Variants in DACH1 observed in about 807,000 individuals in gnomAD.
The protein encoded by DACH1 is dachshund homolog 1.
Under a neutral mutation model 54.2 loss-of-function variants are expected in DACH1, and 12 were observed. That is an observed-to-expected ratio of 0.22 (90% CI 0.14 to 0.36). The LOEUF is 0.36. Ranked by LOEUF, DACH1 falls within the 10% of genes least tolerant of loss-of-function variation. The probability of loss-of-function intolerance (pLI) is 1.00; values close to 1 mark genes in which losing one functional copy is unlikely to be tolerated. For missense variants in DACH1, 805 were observed against 929.8 expected (o/e 0.87, Z 1.75); for synonymous variants, 386 against 366.2 (o/e 1.05, Z -0.62).
At chr13:71,661,756 G>A (rs1879503855) in intron 2 of DACH1, among the ~76,000 whole-genome samples, 1 of 151,790 alleles carries the variant, frequency 6.6e-6, no homozygotes, top group Non-Finnish European at 1.5e-5. Context: ...CAACACACCT[G>A]GGAGAGAGTA....
At chr13:71,712,224 C>G (rs1268899847) in intron 1 of DACH1, among the ~76,000 whole-genome samples, 1 of 151,824 alleles carries the variant, frequency 6.6e-6, no homozygotes, top group Non-Finnish European at 1.5e-5. Flanking sequence ...ATTCTTAAAT[C>G]ATATTTTTTT....
At chr13:71,790,426 A>C (rs1202523929) in intron 1 of DACH1, among the ~76,000 whole-genome samples, 2 of 152,174 alleles carry the variant, frequency 1.3e-5, no homozygotes, top group Admixed American at 1.3e-4. Flanking sequence ...CGAGAAGTCA[A>C]CATGACTCTT....
chr13:71,840,326 A>G (rs1888967157), intron 1 of DACH1, among the ~76,000 whole-genome samples: 1 of 152,210 alleles, frequency 6.6e-6, no homozygotes, highest in African/African-American at 2.4e-5. Flanking sequence ...TATCCAAAAC[A>G]CAAATTCAAT....
chr13:71,611,960 A>T (rs1464208467), intron 3 of DACH1, among the ~76,000 whole-genome samples: 1 of 152,202 alleles, frequency 6.6e-6, no homozygotes, highest in Non-Finnish European at 1.5e-5. Flanking sequence ...GCTCAGATAC[A>T]GAGAATACAT....
intron 1 of DACH1, among the ~76,000 whole-genome samples, chr13:71,754,778 C>A (rs1885073612): frequency 6.7e-6 from 1 of 149,850 alleles, no homozygotes; most frequent in Non-Finnish European, 1.5e-5. Context: ...CACAACTCTG[C>A]AAAACGTAAA....
At chr13:71,764,318 T>C (rs1301630580) in intron 1 of DACH1, among the ~76,000 whole-genome samples, 2 of 152,084 alleles carry the variant, frequency 1.3e-5, no homozygotes, top group Non-Finnish European at 2.9e-5. Context: ...GAGGATTACT[T>C]CAGGAATTCA....
intron 1 of DACH1, among the ~76,000 whole-genome samples, chr13:71,688,543 T>G (rs888602156): frequency 1.3e-5 from 2 of 152,222 alleles, no homozygotes; most frequent in African/African-American, 4.8e-5. Context: ...TTTGGACTTT[T>G]AGTGTTCTCT....
chr13:71,741,351 G>C (rs1453477898), intron 1 of DACH1, among the ~76,000 whole-genome samples: 3 of 152,180 alleles, frequency 2.0e-5, no homozygotes, highest in African/African-American at 7.2e-5. Context: ...GTAAGGACAG[G>C]CTGGCATAAA....
At chr13:71,635,398 T>C (rs1014410455) in intron 2 of DACH1, among the ~76,000 whole-genome samples, 1 of 152,148 alleles carries the variant, frequency 6.6e-6, no homozygotes, top group Non-Finnish European at 1.5e-5. Context: ...TCCCTTCCAA[T>C]TTCCTGTCTC....
At chr13:71,578,221 T>C (rs1042157052) in intron 3 of DACH1, among the ~76,000 whole-genome samples, 11 of 152,124 alleles carry the variant, frequency 7.2e-5, no homozygotes, top group Admixed American at 1.3e-4. Flanking sequence ...GCTTATTGAG[T>C]GACACTGATA....
chr13:71,621,226 A>G (rs2138542916), intron 3 of DACH1, among the ~76,000 whole-genome samples: 1 of 152,126 alleles, frequency 6.6e-6, no homozygotes, highest in African/African-American at 2.4e-5. Flanking sequence ...ACAATTTATC[A>G]ACAGCTTGAA....
rs142487796 is a variant in DACH1, at chr13:71,612,646, G to C, written c.1126+17910C>G. On this transcript the variant is annotated intron_variant, in intron 3 of 10. Coordinates refer to ENST00000613252, the MANE Select transcript of DACH1 (RefSeq NM_080759.6). Reference sequence around the variant, plus strand: ...AGTTACTCATCTGTAAAGTGGAAATGCCAACAATATTAACGTTTTATGTTC... The same window carrying C: ...AGTTACTCATCTGTAAAGTGGAAATCCCAACAATATTAACGTTTTATGTTC... Among the ~76,000 whole-genome samples the C allele has an allele frequency of 8.4e-3, 1,274 of 152,236 alleles. 51 individuals carry two copies. The highest frequency in any genetic ancestry group is 0.065 in the Admixed American group (997 of 15,276).
At chr13:71,655,116 T>G (rs1241823379) in intron 2 of DACH1, among the ~76,000 whole-genome samples, 1 of 152,216 alleles carries the variant, frequency 6.6e-6, no homozygotes, top group Non-Finnish European at 1.5e-5. Flanking sequence ...TCTTCAACTT[T>G]CTGCAAGAAA....
At chr13:71,648,529 G>A (rs1318135554) in intron 2 of DACH1, among the ~76,000 whole-genome samples, 1 of 151,886 alleles carries the variant, frequency 6.6e-6, no homozygotes, top group African/African-American at 2.4e-5. Flanking sequence ...CCATTAACAG[G>A]AAAAAAATAA....
At chr13:71,806,984 G>C (rs1266029096) in intron 1 of DACH1, among the ~76,000 whole-genome samples, 2 of 152,160 alleles carry the variant, frequency 1.3e-5, no homozygotes, top group African/African-American at 2.4e-5. Flanking sequence ...CACCATCATA[G>C]GCTTCTTGCA....
intron 6 of DACH1, among the ~76,000 whole-genome samples, chr13:71,523,028 A>C (rs1191431424): frequency 6.6e-6 from 1 of 152,116 alleles, no homozygotes; most frequent in Non-Finnish European, 1.5e-5. Context: ...ATGCCACTTA[A>C]TTATAGCAAC....
intron 1 of DACH1, among the ~76,000 whole-genome samples, chr13:71,719,300 A>G (rs1434971321): frequency 6.6e-6 from 1 of 152,196 alleles, no homozygotes; most frequent in Non-Finnish European, 1.5e-5. Context: ...TTGACCCAAA[A>G]TAGAATGGCT....
At chr13:71,479,117 T>C (rs1446292574) in intron 8 of DACH1, 52 bp downstream of exon 8, 1 of 1,475,744 alleles carries the variant, frequency 6.8e-7, no homozygotes, top group Non-Finnish European at 9.2e-7. Flanking sequence ...ATAGTATTAA[T>C]ATGTTTAATA....
At chr13:71,614,853 CAAA>C (rs397978208) in intron 3 of DACH1, among the ~76,000 whole-genome samples, 11 of 48,914 alleles carry the variant, frequency 2.2e-4, no homozygotes, top group African/African-American at 7.5e-4. Context: ...AACTCTATCT[CAAA>C]AAAAAAAAAA....
Sources: allele counts gnomAD v4.1 joint callset (sites outside exome capture counted in the v4.1 genomes callset), GRCh38; gene constraint gnomAD v4.1.1; transcripts MANE v1.5; gene names NCBI Gene and HGNC (gene_info 2026-07-23, HGNC 2026-07-21).